Variants in CRYBG1 observed in about 807,000 individuals in gnomAD.
The protein encoded by CRYBG1 is beta/gamma crystallin domain-containing protein 1.
In CRYBG1, 139 loss-of-function variants were observed where a neutral mutation model predicts 189.2. That is an observed-to-expected ratio of 0.73 (90% CI 0.64 to 0.85). The LOEUF (loss-of-function observed/expected upper bound fraction) is 0.85. CRYBG1 is among the 40% of genes least tolerant of loss of function. The probability of loss-of-function intolerance (pLI) is 0.00; values close to 1 mark genes in which losing one functional copy is unlikely to be tolerated. For missense variants in CRYBG1, 2,611 were observed against 2,675.8 expected, an observed-to-expected ratio of 0.98 and a Z score of 0.53; for synonymous variants, 1,023 against 1,017.1, an observed-to-expected ratio of 1.01 and a Z score of -0.11.
At chr6:106,525,032 T>C (rs549586669) in intron 4 of CRYBG1, 101 bp from the exon 5 acceptor site, 11 of 1,175,672 alleles carry the variant, frequency 9.4e-6, no homozygotes, top group Admixed American at 1.9e-5. Flanking sequence ...ATCGATACAA[T>C]GTGGGAAAAG....
intron 2 of CRYBG1, among the ~76,000 whole-genome samples, chr6:106,460,842 A>G (rs1167925180): frequency 1.3e-5 from 2 of 152,172 alleles, no homozygotes; most frequent in African/African-American, 2.4e-5. Flanking sequence ...GCTGGATTGC[A>G]GAGGCTAGGT....
At chr6:106,530,666 C>CT (rs1773858284) in intron 8 of CRYBG1, among the ~76,000 whole-genome samples, 1 of 141,976 alleles carries the variant, frequency 7.0e-6, no homozygotes, top group Non-Finnish European at 1.6e-5. Flanking sequence ...CCTGATATTT[C>CT]TGGGGGGGGA....
In CRYBG1 at chr6:106,459,400, C is replaced by CA. The variant is rs34355315; in HGVS notation, c.312+7577dup. On this transcript the variant is annotated intron_variant, in intron 2 of 21. Transcript: ENST00000633556. ...TTCTAAATATTATATTAGCTTGCTGCAAAAAAAAATTCCAAGAATACTAAA... is the reference window on the plus strand; with the variant it reads ...TTCTAAATATTATATTAGCTTGCTGCAAAAAAAAAATTCCAAGAATACTAAA... Among the ~76,000 whole-genome samples, 75 of 149,418 alleles carry CA rather than the reference C, an allele frequency of 5.0e-4. 2 individuals are homozygous for CA. The Middle Eastern group carries it at 0.014, about 27-fold the overall frequency.
chr6:106,557,787 A>G (rs1374122497), intron 17 of CRYBG1, among the ~76,000 whole-genome samples: 1 of 152,196 alleles, frequency 6.6e-6, no homozygotes, highest in Non-Finnish European at 1.5e-5. Context: ...ATCATTAGAG[A>G]TTAATGTAGA....
At chr6:106,404,813 G>A (rs943280868) in intron 1 of CRYBG1, among the ~76,000 whole-genome samples, 2 of 152,144 alleles carry the variant, frequency 1.3e-5, no homozygotes, top group East Asian at 1.9e-4. Context: ...AAGGGAAGCT[G>A]TGAGGGACTG....
At chr6:106,455,098 G>T (rs1421199023) in intron 2 of CRYBG1, among the ~76,000 whole-genome samples, 4 of 152,298 alleles carry the variant, frequency 2.6e-5, no homozygotes, top group East Asian at 1.9e-4. Context: ...ATCAGGGATT[G>T]TATATTTATT....
rs1770146600 is a variant in CRYBG1 at position 106,375,644 on chromosome 6, G to A, written c.173+14563G>A. On this transcript the variant is annotated intron_variant, in intron 1 of 21. Transcript: ENST00000633556. ...CACTTGTTAAATGTCCTGTCCAGTTGTGTGGAAACGGTCAGATCGGTGAAC... is the reference window on the plus strand; with the variant it reads ...CACTTGTTAAATGTCCTGTCCAGTTATGTGGAAACGGTCAGATCGGTGAAC... 2.6e-5 allele frequency among the ~76,000 whole-genome samples: 4 copies of A among 152,162 alleles called. No individual in the cohort carries two copies. The South Asian group carries it at 6.2e-4, about 24-fold the overall frequency.
chr6:106,531,880 G>A (rs17067184), intron 8 of CRYBG1, among the ~76,000 whole-genome samples: 37,395 of 151,956 alleles, frequency 0.25, 4,890 homozygotes, highest in East Asian at 0.46. Context: ...TAACAAGGGA[G>A]GACTATAGTG....
intron 2 of CRYBG1, among the ~76,000 whole-genome samples, chr6:106,487,497 G>T (rs1341852464): frequency 6.6e-6 from 1 of 152,094 alleles, no homozygotes; most frequent in East Asian, 1.9e-4. Context: ...GTTTTTGCTT[G>T]TCTGAGAAGT....
intron 2 of CRYBG1, 55 bp downstream of exon 2, chr6:106,451,887 A>C (rs1562310946): frequency 6.8e-7 from 1 of 1,462,822 alleles, no homozygotes; most frequent in Non-Finnish European, 9.1e-7. Context: ...TAAAGAGCTA[A>C]AGCACTGTAA....
At chr6:106,361,933 C>T (rs1027890648) in intron 1 of CRYBG1, among the ~76,000 whole-genome samples, 2 of 149,416 alleles carry the variant, frequency 1.3e-5, no homozygotes, top group Non-Finnish European at 3.0e-5. Flanking sequence ...GCAAAATTTG[C>T]ATTTTAGACA....
intron 1 of CRYBG1, among the ~76,000 whole-genome samples, chr6:106,419,161 G>A (rs1771080227): frequency 6.6e-6 from 1 of 152,182 alleles, no homozygotes; most frequent in Non-Finnish European, 1.5e-5. Context: ...ACAGCTGCTG[G>A]CATTCACCTG....
At chr6:106,425,715 T>A (rs1771212477) in intron 1 of CRYBG1, among the ~76,000 whole-genome samples, 1 of 152,182 alleles carries the variant, frequency 6.6e-6, no homozygotes, top group Admixed American at 6.5e-5. Flanking sequence ...CACTGCAACC[T>A]CCGCCTCCCA....
intron 8 of CRYBG1, 118 bp downstream of exon 8, chr6:106,530,433 T>A (rs907658518): frequency 1.9e-5 from 19 of 984,732 alleles, no homozygotes; most frequent in Admixed American, 7.9e-5. Context: ...AATTATTAAC[T>A]GTAAGGTATA....
At chr6:106,389,326 G>T (rs1770455741) in intron 1 of CRYBG1, among the ~76,000 whole-genome samples, 1 of 152,014 alleles carries the variant, frequency 6.6e-6, no homozygotes, top group Non-Finnish European at 1.5e-5. Flanking sequence ...TGATTTGTAA[G>T]AACTCAGTGG....
rs1774997988 is a variant in CRYBG1, at chr6:106,569,651, T to C, written c.*1085T>C. On this transcript the variant is annotated 3_prime_UTR_variant, in exon 22 of 22. Transcript: ENST00000633556. ...CTAATTTATGAGCCATCCTTACTCA[T>C]CTACAAGTGCTGAAGCAATGTTACA... The C allele has an allele frequency of 6.6e-6, 1 of 152,238 alleles. No individual in the cohort carries two copies. The highest frequency in any genetic ancestry group is 1.5e-5 in the Non-Finnish European group (1 of 68,044). 9.4% of individuals were successfully genotyped at this position (152,238 alleles called of 1,614,324 possible).
intron 2 of CRYBG1, among the ~76,000 whole-genome samples, chr6:106,471,814 A>AG: frequency 6.7e-6 from 1 of 149,950 alleles, no homozygotes; most frequent in South Asian, 2.1e-4. Flanking sequence ...AAAAAAAAAA[A>AG]AAGAAGAAGA....
chr6:106,410,648 A>T lies in CRYBG1; in HGVS notation c.174-41046A>T, dbSNP rs545086962. On this transcript the variant is annotated intron_variant, in intron 1 of 21. Coordinates refer to ENST00000633556, the MANE Select transcript of CRYBG1 (RefSeq NM_001371242.2). The stretch of plus-strand genomic sequence containing the variant: ...CCAATGCCCATCAATGATAGACTGG[A>T]TAAAGAAAACATGCCACATATACAC... Among the ~76,000 whole-genome samples, 6 of 152,374 alleles carry T rather than the reference A, an allele frequency of 3.9e-5. No homozygotes were observed. The South Asian group carries it at 1.0e-3, about 26-fold the overall frequency.
chr6:106,559,032 C>T (rs961864270), intron 18 of CRYBG1, among the ~76,000 whole-genome samples: 1 of 152,170 alleles, frequency 6.6e-6, no homozygotes, highest in African/African-American at 2.4e-5. Context: ...GACATATACC[C>T]TCTCTTTTTG....
Sources: gnomAD v4.1 joint callset for allele counts (sites outside exome capture counted in the v4.1 genomes callset) on GRCh38, gnomAD v4.1.1 for gene constraint, MANE v1.5 for transcripts, NCBI Gene and HGNC (gene_info 2026-07-23, HGNC 2026-07-21) for gene names.